Variants in ABCC8 observed in about 807,000 individuals in gnomAD.
ABCC8 encodes the protein ATP-binding cassette sub-family C member 8.
ABCC8 carries 137 observed loss-of-function variants against 188.0 expected under a neutral mutation model. That is an observed-to-expected ratio of 0.73 (90% CI 0.63 to 0.84). The LOEUF is 0.84. ABCC8 is among the 40% of genes least tolerant of loss of function. The probability of loss-of-function intolerance (pLI) is 0.00; values close to 1 mark genes in which losing one functional copy is unlikely to be tolerated. For missense variants in ABCC8, 1,750 were observed against 2,072.7 expected (o/e 0.84, Z 3.02); for synonymous variants, 797 against 846.5 (o/e 0.94, Z 1.01).
rs146491041 is a variant in ABCC8 at position 17,458,798 on chromosome 11, G to A, written c.1011+1690C>T. Among the ~76,000 whole-genome samples the A allele has an allele frequency of 2.7e-3, 412 of 152,290 alleles. 1 individual carries two copies. The highest frequency in any genetic ancestry group is 8.9e-3 in the African/African-American group (371 of 41,564). ...CAGCCTGGCAAATTCCTACTCATCC[G>A]TCAAGACCCCTTTCAAACATCCCCT... is the stretch of plus-strand genomic sequence containing the variant. On this transcript the variant is annotated intron_variant, in intron 6 of 38. Transcript: ENST00000389817.
intron 36 of ABCC8, 47 bp from the exon 37 acceptor site, chr11:17,394,446 C>T: frequency 6.2e-7 from 1 of 1,613,734 alleles, no homozygotes; most frequent in Non-Finnish European, 8.5e-7. Flanking sequence ...TAATCTTGTG[C>T]TGTGAGTGGA....
intron 3 of ABCC8, among the ~76,000 whole-genome samples, chr11:17,469,512 A>C (rs887374602): frequency 1.3e-5 from 2 of 151,798 alleles, no homozygotes; most frequent in African/African-American, 4.8e-5. Flanking sequence ...TGACATCTCA[A>C]ACTCGATATG....
chr11:17,420,463 AC>A (rs1955288167), intron 16 of ABCC8, among the ~76,000 whole-genome samples: 1 of 152,050 alleles, frequency 6.6e-6, no homozygotes, highest in Non-Finnish European at 1.5e-5. Context: ...CAGCTGTCTC[AC>A]CACACCTGCC....
At chr11:17,455,937 CAAAAAA>C (rs796687753) in intron 6 of ABCC8, among the ~76,000 whole-genome samples, 1 of 62,742 alleles carries the variant, frequency 1.6e-5, no homozygotes, top group Non-Finnish European at 3.8e-5. Context: ...AGGCTCCATC[CAAAAAA>C]AAAAAAAAAA....
chr11:17,430,712 G>T, intron 12 of ABCC8, 102 bp downstream of exon 12: 2 of 1,366,614 alleles, frequency 1.5e-6, no homozygotes, highest in East Asian at 2.3e-5. Flanking sequence ...ATGGGGGTGT[G>T]TTCCGGGACC....
chr11:17,402,685 C>T lies in ABCC8; in HGVS notation c.3626G>A (p.Gly1209Glu). The change falls in exon 29 of 39, where the codon GGA (glycine) becomes GAA (glutamate). Residue 1209 changes from glycine to glutamate, a missense_variant. Gly to Glu is a moderately conservative substitution (Grantham distance 98). Coordinates refer to ENST00000389817, the MANE Select transcript of ABCC8 (RefSeq NM_000352.6). Reference sequence around the variant, plus strand: ...CCTGAAGGCCCGGATGGTGGTGAGTCCTTCTACGGTTTCGGCAAAGTGTGA... The same window carrying T: ...CCTGAAGGCCCGGATGGTGGTGAGTTCTTCTACGGTTTCGGCAAAGTGTGA... Reference protein sequence around the residue: ...LLSHFAETVEGLTTIRAFRYE... With the variant: ...LLSHFAETVEELTTIRAFRYE... 1 of 1,614,232 alleles carries T rather than the reference C, an allele frequency of 6.2e-7. No individual in the cohort carries two copies. Among genetic ancestry groups the T allele is most frequent in the Non-Finnish European group, 8.5e-7 (1 of 1,180,050 alleles).
rs1318035035 is a variant in ABCC8 at position 17,428,412 on chromosome 11, G to T, written c.1924-7C>A. ...GGTTCACAACCCTGAGGGGCTGGGG[G>T]TGGTTTGGAGGTGAGGACCCACTGG... is the stretch of plus-strand genomic sequence containing the variant. On this transcript the variant is annotated splice_polypyrimidine_tract_variant and splice_region_variant and intron_variant, in intron 13 of 38. Coordinates refer to ENST00000389817, the MANE Select transcript of ABCC8 (RefSeq NM_000352.6). 6.2e-7 allele frequency: 1 copy of T among 1,612,250 alleles called. No homozygotes were observed. Among genetic ancestry groups the T allele is most frequent in the Non-Finnish European group, 8.5e-7 (1 of 1,178,630 alleles).
intron 8 of ABCC8, among the ~76,000 whole-genome samples, chr11:17,447,167 G>T (rs1956568005): frequency 6.6e-6 from 1 of 152,186 alleles, no homozygotes. Context: ...AGCTCTCCCG[G>T]TGGAACCTTC....
chr11:17,439,806 T>C (rs1330341406), intron 10 of ABCC8, among the ~76,000 whole-genome samples: 1 of 152,156 alleles, frequency 6.6e-6, no homozygotes, highest in Non-Finnish European at 1.5e-5. Context: ...GGCGGGCTCC[T>C]GCTTGGCTCC....
In ABCC8 at chr11:17,413,370, A is replaced by C. The variant is rs766415263; in HGVS notation, c.2475+24T>G. 3 of 1,613,790 alleles carry C rather than the reference A, an allele frequency of 1.9e-6. No homozygotes were observed. The South Asian group carries it at 3.3e-5, about 18-fold the overall frequency. ...AGGTTGGGGGTCCTGGCTTTGAAAA[A>C]ACCCCTCAGAGGCTGCTACTAACCC... On this transcript the variant is annotated intron_variant, in intron 20 of 38. Transcript: ENST00000389817.
In ABCC8 at chr11:17,443,077, A is replaced by T. The variant is rs1275417484; in HGVS notation, c.1467+101T>A. Reference sequence around the variant, plus strand: ...AGGTGAAGTGGCCTACTCAAAGTCAAAGTCAAAGTCAATGACAGTGTGGGT... The same window carrying T: ...AGGTGAAGTGGCCTACTCAAAGTCATAGTCAAAGTCAATGACAGTGTGGGT... On this transcript the variant is annotated intron_variant, in intron 9 of 38. Coordinates refer to ENST00000389817, the MANE Select transcript of ABCC8 (RefSeq NM_000352.6). 3 of 1,529,138 alleles carry T rather than the reference A, an allele frequency of 2.0e-6. No homozygotes were observed. In the East Asian group the frequency reaches 6.8e-5, roughly 35 times the overall value. 94.7% of individuals were successfully genotyped at this position (1,529,138 alleles called of 1,614,324 possible).
Position 17,399,286 on chromosome 11 carries a change from A to AC in ABCC8, c.3651-846_3651-845insG, listed in dbSNP as rs1396854457. 4.4e-3 allele frequency among the ~76,000 whole-genome samples: 382 copies of AC among 86,594 alleles called. 10 individuals carry two copies. The highest frequency in any genetic ancestry group is 0.012 in the African/African-American group (364 of 29,906). The allele number at this position is 86,594 out of a possible 152,430, so 56.8% of individuals were successfully genotyped here. On this transcript the variant is annotated intron_variant, in intron 29 of 38. Transcript: ENST00000389817. ...GTGAGACTCTGCCTCAAAAAAAAAA[A>AC]AAAAAAAAAAAAAAAAAACAAATAA...
chr11:17,425,892 G>A (rs1027344325), intron 16 of ABCC8, among the ~76,000 whole-genome samples: 2 of 148,722 alleles, frequency 1.3e-5, no homozygotes, highest in African/African-American at 5.0e-5. Context: ...GTGTCCATGT[G>A]TTCTCATTGT....
At position 17,436,054 on chromosome 11, in the gene ABCC8, T is replaced by C. The variant is rs1422249684; in HGVS notation, c.1631-3810A>G. On this transcript the variant is annotated intron_variant, in intron 10 of 38. Coordinates refer to ENST00000389817, the MANE Select transcript of ABCC8 (RefSeq NM_000352.6). ...GGGACAGTTTGAACTTGTGTTCTTATTCCAGAACTGCTCCATCTCTTCTTT... is the reference window on the plus strand; with the variant it reads ...GGGACAGTTTGAACTTGTGTTCTTACTCCAGAACTGCTCCATCTCTTCTTT... 8.0e-6 allele frequency: 8 copies of C among 995,480 alleles called. No individual in the cohort carries two copies. The Admixed American group carries it at 1.4e-4, about 17-fold the overall frequency. The allele number at this position is 995,480 out of a possible 1,614,324, so 61.7% of individuals were successfully genotyped here.
chr11:17,410,453 C>A, intron 22 of ABCC8, 63 bp downstream of exon 22: 5 of 1,574,090 alleles, frequency 3.2e-6, no homozygotes, highest in Non-Finnish European at 3.5e-6. Context: ...TGGTTCCTGC[C>A]AAGATGCCTG....
At chr11:17,460,359 A>G (rs955292760) in intron 6 of ABCC8, 129 bp downstream of exon 6, 10 of 1,418,802 alleles carry the variant, frequency 7.0e-6, no homozygotes, top group Non-Finnish European at 8.9e-6. Flanking sequence ...GGATACTGCT[A>G]TGGGCTTTGC....
chr11:17,437,477 AG>A (rs1387154284), intron 10 of ABCC8, among the ~76,000 whole-genome samples: 2 of 152,272 alleles, frequency 1.3e-5, no homozygotes, highest in African/African-American at 2.4e-5. Context: ...GTGCAGGGCC[AG>A]GGGAGGAGCA....
chr11:17,468,732 C>A (rs1298037027), intron 3 of ABCC8, among the ~76,000 whole-genome samples: 1 of 152,090 alleles, frequency 6.6e-6, no homozygotes. Flanking sequence ...TTATTTTTAA[C>A]CTCTCAGTTT....
intron 3 of ABCC8, among the ~76,000 whole-genome samples, chr11:17,468,784 A>G (rs1848307488): frequency 6.6e-6 from 1 of 152,162 alleles, no homozygotes; most frequent in Non-Finnish European, 1.5e-5. Flanking sequence ...CAATACCAAT[A>G]AGGAGGCTGG....
Sources: gnomAD v4.1 joint callset for allele counts (sites outside exome capture counted in the v4.1 genomes callset) on GRCh38, gnomAD v4.1.1 for gene constraint, MANE v1.5 for transcripts, NCBI Gene and HGNC (gene_info 2026-07-23, HGNC 2026-07-21) for gene names.